RUNX1: variants seen among roughly 807,000 people sequenced by gnomAD.
The protein encoded by RUNX1 is RUNX family transcription factor 1.
RUNX1 carries 19 observed loss-of-function variants against 42.8 expected under a neutral mutation model. The ratio of observed to expected loss-of-function variants is 0.44; its 90% CI spans 0.31 to 0.65. The LOEUF is 0.65. Among genes scored for constraint, RUNX1 ranks in the 30% least tolerant of loss-of-function variants. The probability of loss-of-function intolerance (pLI) is 0.07; values close to 1 mark genes in which losing one functional copy is unlikely to be tolerated. For synonymous variants in RUNX1, 271 were observed against 289.4 expected (o/e 0.94, Z 0.64); for missense variants, 528 against 672.0 (o/e 0.79, Z 2.37).
chr21:34,878,505 G>C (rs571416076), intron 5 of RUNX1, among the ~76,000 whole-genome samples: 2 of 152,000 alleles, frequency 1.3e-5, no homozygotes, highest in Admixed American at 6.6e-5. Flanking sequence ...GGGAAGGAGA[G>C]TCTGTTCAAA....
intron 2 of RUNX1, among the ~76,000 whole-genome samples, chr21:35,025,826 G>A (rs561336904): frequency 1.5e-4 from 23 of 152,182 alleles, no homozygotes; most frequent in East Asian, 5.8e-4. Flanking sequence ...TCTAGGGGAG[G>A]AAAAGGGAAA....
At chr21:34,955,464 G>T (rs969745816) in intron 2 of RUNX1, among the ~76,000 whole-genome samples, 22 of 152,166 alleles carry the variant, frequency 1.4e-4, no homozygotes, top group African/African-American at 5.1e-4. Context: ...AGGGGAAAAA[G>T]GGAGATGGCA....
chr21:34,909,727 G>A (rs1489759405), intron 2 of RUNX1, among the ~76,000 whole-genome samples: 1 of 152,114 alleles, frequency 6.6e-6, no homozygotes, highest in African/African-American at 2.4e-5. Context: ...CTCCATGAGA[G>A]ATGAGCTTGT....
chr21:34,993,521 ACACACATACATACAGG>A (rs1190919940), intron 2 of RUNX1, among the ~76,000 whole-genome samples: 1 of 150,284 alleles, frequency 6.7e-6, no homozygotes, highest in African/African-American at 2.5e-5. Flanking sequence ...ACACACACAC[ACACACATACATACAGG>A]CACACACAGA....
At chr21:34,855,714 C>CAAAA (rs1324042436) in intron 6 of RUNX1, among the ~76,000 whole-genome samples, 1 of 151,986 alleles carries the variant, frequency 6.6e-6, no homozygotes, top group Non-Finnish European at 1.5e-5. Context: ...GTCTCAAAAA[C>CAAAA]AAACAAACAA....
intron 3 of RUNX1, among the ~76,000 whole-genome samples, chr21:34,891,210 A>C (rs2058077616): frequency 6.6e-6 from 1 of 152,154 alleles, no homozygotes; most frequent in Non-Finnish European, 1.5e-5. Context: ...GCATGCACCG[A>C]GTTTAGCCGT....
chr21:34,824,362 T>G (rs188919790), intron 7 of RUNX1, among the ~76,000 whole-genome samples: 2 of 152,194 alleles, frequency 1.3e-5, no homozygotes, highest in Admixed American at 6.5e-5. Flanking sequence ...TAGGGTGAGT[T>G]CTATACTATT....
At chr21:34,938,621 A>G (rs1482319306) in intron 2 of RUNX1, among the ~76,000 whole-genome samples, 2 of 151,250 alleles carry the variant, frequency 1.3e-5, no homozygotes, top group Non-Finnish European at 2.9e-5. Context: ...ATATGTGGAG[A>G]TCTTCCTGAC....
intron 3 of RUNX1, 78 bp from the exon 4 acceptor site, chr21:34,887,174 C>T (rs1026295741): frequency 5.0e-5 from 76 of 1,531,078 alleles, no homozygotes; most frequent in Non-Finnish European, 6.2e-5. Context: ...GACAGGGGCG[C>T]GGATCTTCAG....
At chr21:34,997,154 A>T (rs138793447) in intron 2 of RUNX1, among the ~76,000 whole-genome samples, 113 of 152,370 alleles carry the variant, frequency 7.4e-4, no homozygotes, top group African/African-American at 2.5e-3. Context: ...ATTCACTGAC[A>T]GTGAATTAAA....
chr21:34,925,510 T>G (rs1348007593), intron 2 of RUNX1, among the ~76,000 whole-genome samples: 1 of 152,140 alleles, frequency 6.6e-6, no homozygotes, highest in Non-Finnish European at 1.5e-5. Flanking sequence ...AGGCAGAGAC[T>G]GAAGTGATGC....
intron 5 of RUNX1, among the ~76,000 whole-genome samples, chr21:34,872,744 G>A (rs183530475): frequency 5.3e-5 from 8 of 152,186 alleles, no homozygotes; most frequent in African/African-American, 1.9e-4. Flanking sequence ...GTCTTTGTTG[G>A]GGAGGCTGTC....
Position 34,949,151 on chromosome 21 carries a change from G to A in RUNX1, c.59-56188C>T, listed in dbSNP as rs140048131. Among the ~76,000 whole-genome samples the A allele has an allele frequency of 6.6e-3, 1,004 of 152,314 alleles. 8 individuals carry two copies. Among genetic ancestry groups the A allele is most frequent in the Non-Finnish European group, 8.9e-3 (606 of 68,026 alleles). On this transcript the variant is annotated intron_variant, in intron 2 of 8. Coordinates refer to ENST00000675419, the MANE Select transcript of RUNX1 (RefSeq NM_001754.5). ...ACTGCCTGGAGATTTGGAAGAAAGA[G>A]ATGAACAGATGTGTGTGATGTTTTA...
intron 7 of RUNX1, among the ~76,000 whole-genome samples, chr21:34,805,163 T>C (rs2056661864): frequency 6.6e-6 from 1 of 151,992 alleles, no homozygotes; most frequent in Non-Finnish European, 1.5e-5. Context: ...ACCAATGAAC[T>C]TGAAGATACA....
chr21:34,980,313 A>C (rs2058837875), intron 2 of RUNX1, among the ~76,000 whole-genome samples: 1 of 152,176 alleles, frequency 6.6e-6, no homozygotes, highest in Non-Finnish European at 1.5e-5. Context: ...CAATTTATTC[A>C]CCAACGCAGG....
chr21:34,937,386 G>C (rs576745961), intron 2 of RUNX1, among the ~76,000 whole-genome samples: 1 of 150,194 alleles, frequency 6.7e-6, no homozygotes, highest in South Asian at 2.1e-4. Context: ...TGACTCATAG[G>C]CTCTGGGGAT....
At chr21:34,946,613 C>T (rs919687670) in intron 2 of RUNX1, among the ~76,000 whole-genome samples, 2 of 152,164 alleles carry the variant, frequency 1.3e-5, no homozygotes, top group Non-Finnish European at 2.9e-5. Flanking sequence ...AGCAATACAG[C>T]AACAGGTGGT....
intron 2 of RUNX1, among the ~76,000 whole-genome samples, chr21:34,978,628 T>C (rs2058821405): frequency 6.6e-6 from 1 of 152,198 alleles, no homozygotes; most frequent in South Asian, 2.1e-4. Flanking sequence ...TTCATAGTTG[T>C]GTGTTTCCTG....
At chr21:34,867,188 G>C (rs935398474) in intron 5 of RUNX1, among the ~76,000 whole-genome samples, 1 of 151,926 alleles carries the variant, frequency 6.6e-6, no homozygotes, top group Non-Finnish European at 1.5e-5. Context: ...CTAGAGCTCA[G>C]GAGTTCAAGA....
Sources: allele counts gnomAD v4.1 joint callset (sites outside exome capture counted in the v4.1 genomes callset), GRCh38; gene constraint gnomAD v4.1.1; transcripts MANE v1.5; gene names NCBI Gene and HGNC (gene_info 2026-07-23, HGNC 2026-07-21).